CPVL: variants seen among roughly 807,000 people sequenced by gnomAD.
CPVL encodes the protein probable serine carboxypeptidase CPVL.
In CPVL, 51 loss-of-function variants were observed where a neutral mutation model predicts 63.7. The ratio of observed to expected loss-of-function variants is 0.80; its 90% confidence interval spans 0.64 to 1.01. The LOEUF (loss-of-function observed/expected upper bound fraction) is 1.01, where lower values mean the gene tolerates loss of function less well. Ranked by LOEUF, CPVL falls within the 50% of genes least tolerant of loss-of-function variation. CPVL has a pLI of 0.00. For synonymous variants in CPVL, 195 were observed against 206.0 expected, an observed-to-expected ratio of 0.95 and a Z score of 0.46; for missense variants, 530 against 573.1, an observed-to-expected ratio of 0.92 and a Z score of 0.77.
Position 29,141,776 on chromosome 7 carries a change from G to A in CPVL, c.-11+4653C>T, listed in dbSNP as rs6960516. Among the ~76,000 whole-genome samples, 448 of 151,542 alleles carry A rather than the reference G, an allele frequency of 3.0e-3. 4 individuals carry two copies. The highest frequency in any genetic ancestry group is 0.01 in the African/African-American group (415 of 41,296). On this transcript the variant is annotated intron_variant, in intron 1 of 12. Coordinates refer to ENST00000265394, the MANE Select transcript of CPVL (RefSeq NM_031311.5). Reference sequence around the variant, plus strand: ...CTAAACATATAAAAATTAGCCAGGCGTGGGGGTACACGCCTGTAGTCCCAG... The same window carrying A: ...CTAAACATATAAAAATTAGCCAGGCATGGGGGTACACGCCTGTAGTCCCAG...
chr7:29,076,159 C>T (rs1391843074), intron 7 of CPVL, among the ~76,000 whole-genome samples: 2 of 152,004 alleles, frequency 1.3e-5, no homozygotes, highest in South Asian at 4.2e-4. Flanking sequence ...GGTGTGACTG[C>T]CTTATGGATT....
intron 11 of CPVL, among the ~76,000 whole-genome samples, chr7:29,061,703 T>C (rs1411198662): frequency 6.6e-6 from 1 of 152,018 alleles, no homozygotes; most frequent in African/African-American, 2.4e-5. Context: ...TCCTAGCACT[T>C]TGGGAGGCCG....
At chr7:28,997,828 A>G (rs1197776196) in intron 12 of CPVL, among the ~76,000 whole-genome samples, 2 of 152,250 alleles carry the variant, frequency 1.3e-5, no homozygotes, top group African/African-American at 4.8e-5. Context: ...AGATATAAAC[A>G]TAATTTTCTG....
At chr7:29,192,105 A>G (rs1402775830) in intron 1 of CPVL, 2 of 152,186 alleles carry the variant, frequency 1.3e-5, no homozygotes, top group African/African-American at 4.8e-5. Flanking sequence ...ATGGGTGTCA[A>G]AGTTATAGCT....
At chr7:29,014,399 C>T (rs1786184667) in intron 12 of CPVL, among the ~76,000 whole-genome samples, 1 of 152,178 alleles carries the variant, frequency 6.6e-6, no homozygotes, top group Non-Finnish European at 1.5e-5. Flanking sequence ...GTGGCGTGAA[C>T]ATAGCTCACT....
chr7:29,037,310 C>T (rs919104244), intron 11 of CPVL, among the ~76,000 whole-genome samples: 7 of 151,394 alleles, frequency 4.6e-5, no homozygotes, highest in South Asian at 2.1e-4. Flanking sequence ...TTTGGGAGGC[C>T]GAGGTGGGCG....
intron 5 of CPVL, among the ~76,000 whole-genome samples, chr7:29,153,553 A>G (rs1793908606): frequency 6.6e-6 from 1 of 152,120 alleles, no homozygotes; most frequent in Non-Finnish European, 1.5e-5. Context: ...AACAGTAAAT[A>G]CATTTTCTCT....
chr7:29,039,663 TAA>T (rs34506581), intron 11 of CPVL, among the ~76,000 whole-genome samples: 2 of 145,568 alleles, frequency 1.4e-5, no homozygotes, highest in African/African-American at 2.5e-5. Flanking sequence ...TTGTTGTGGT[TAA>T]AAAAAAAAAG....
rs868735425 is a variant in CPVL, at chr7:29,134,958, C to A, written c.-11+11471G>T. Among the ~76,000 whole-genome samples, 3 of 151,914 alleles carry A rather than the reference C, an allele frequency of 2.0e-5. No homozygotes were observed. The South Asian group carries it at 6.2e-4, about 32-fold the overall frequency. On this transcript the variant is annotated intron_variant, in intron 1 of 12. Coordinates refer to ENST00000265394, the MANE Select transcript of CPVL (RefSeq NM_031311.5). The stretch of plus-strand genomic sequence containing the variant: ...CTACAAAAAAGGTTTAAAAAATTAG[C>A]CAGACATGGTGGCACACACCTGTGA...
intron 7 of CPVL, among the ~76,000 whole-genome samples, chr7:29,083,205 C>T (rs1028414269): frequency 2.0e-5 from 3 of 152,204 alleles, no homozygotes; most frequent in African/African-American, 4.8e-5. Flanking sequence ...TGGAAAAACT[C>T]GGACCATTTT....
intron 11 of CPVL, among the ~76,000 whole-genome samples, chr7:29,050,105 C>T (rs1224701930): frequency 6.6e-6 from 1 of 152,102 alleles, no homozygotes; most frequent in Non-Finnish European, 1.5e-5. Context: ...GACAAGGATG[C>T]CCATTCTCAC....
intron 12 of CPVL, among the ~76,000 whole-genome samples, chr7:29,014,696 G>C (rs1225654394): frequency 1.3e-5 from 2 of 152,114 alleles, no homozygotes; most frequent in African/African-American, 4.8e-5. Flanking sequence ...ATTGCCTTAA[G>C]CCTATTTAAC....
rs961112662 is a variant in CPVL, at chr7:28,995,882, C to T, written c.1321G>A (p.Val441Ile). The change falls in exon 13 of 13, where the codon GTA (valine) becomes ATA (isoleucine). Residue 441 changes from valine (V) to isoleucine (I), a missense_variant and splice_region_variant. By Grantham distance (29) the Val-to-Ile change is conservative. Coordinates refer to ENST00000265394, the MANE Select transcript of CPVL (RefSeq NM_031311.5). ...ATATGTCCTCCACCTCGAATAATTA[C>T]CTTAAAAAGAAAAAGTAAAAGAACG... ...YIRQAGDFHQ[V>I]IIRGGGHILP... 3 of 1,541,906 alleles carry T rather than the reference C, an allele frequency of 1.9e-6. No homozygotes were observed. Among genetic ancestry groups the T allele is most frequent in the African/African-American group, 1.4e-5 (1 of 71,678 alleles).
At chr7:29,103,180 T>TGGGGGGGGGGGG (rs10568146) in intron 3 of CPVL, among the ~76,000 whole-genome samples, 3 of 56,152 alleles carry the variant, frequency 5.3e-5, no homozygotes, top group Non-Finnish European at 1.1e-4. Flanking sequence ...GTTAATATAC[T>TGGGGGGGGGGGG]GGGGGGGGGG....
At chr7:29,175,539 G>A (rs980954136) in intron 5 of CPVL, among the ~76,000 whole-genome samples, 20 of 152,108 alleles carry the variant, frequency 1.3e-4, no homozygotes, top group East Asian at 1.2e-3. Context: ...CTTGCCTGCC[G>A]CCATGTAAGA....
At chr7:29,170,276 T>C (rs1485426782) in intron 5 of CPVL, among the ~76,000 whole-genome samples, 1 of 152,192 alleles carries the variant, frequency 6.6e-6, no homozygotes, top group Non-Finnish European at 1.5e-5. Flanking sequence ...ACAAATTTCT[T>C]GCTAATCTTA....
chr7:29,150,489 T>G (rs1793440082), upstream of CPVL, among the ~76,000 whole-genome samples: 1 of 152,216 alleles, frequency 6.6e-6, no homozygotes, highest in South Asian at 2.1e-4. Flanking sequence ...AACATGCTTC[T>G]CACTGACCTA....
intron 11 of CPVL, among the ~76,000 whole-genome samples, chr7:29,040,459 G>T (rs773268748): frequency 7.2e-5 from 11 of 152,138 alleles, no homozygotes; most frequent in Non-Finnish European, 1.5e-4. Context: ...CACTCTCACT[G>T]TTGGCCATAC....
intron 11 of CPVL, among the ~76,000 whole-genome samples, chr7:29,056,531 T>A (rs1041118172): frequency 1.3e-5 from 2 of 152,234 alleles, no homozygotes; most frequent in Admixed American, 1.3e-4. Flanking sequence ...TCGTTTTTTT[T>A]AGCACTGAAT....
Sources: gnomAD v4.1 joint callset for allele counts (sites outside exome capture counted in the v4.1 genomes callset) on GRCh38, gnomAD v4.1.1 for gene constraint, MANE v1.5 for transcripts, NCBI Gene and HGNC (gene_info 2026-07-23, HGNC 2026-07-21) for gene names.